Variants in TEX9 observed in about 807,000 individuals in gnomAD.
TEX9 encodes testis expressed 9.
TEX9 carries 74 observed loss-of-function variants against 59.6 expected under a neutral mutation model. The observed-to-expected ratio is 1.24, with a 90% CI of 1.03 to 1.51. The LOEUF is 1.51. Ranked by LOEUF, TEX9 falls within the 40% of genes most tolerant of loss-of-function variation. The pLI is 0.00. For synonymous variants in TEX9, 186 were observed against 152.2 expected (o/e 1.22, Z -1.64); for missense variants, 522 against 447.8 (o/e 1.17, Z -1.49).
At chr15:56,460,009 A>AAAAAAAATATATATATATAT in the TEX9 span, among the ~76,000 whole-genome samples, 3 of 26,384 alleles carry the variant, frequency 1.1e-4, no homozygotes, top group African/African-American at 1.5e-4. Context: ...AAAAAAAAAA[A>AAAAAAAATATATATATATAT]ATACATATAT....
chr15:56,446,718 T>G (rs1031053597), downstream of TEX9: 10 of 679,740 alleles, frequency 1.5e-5, no homozygotes, highest in Non-Finnish European at 2.4e-5. Context: ...TCTGAAAATT[T>G]ACAAATATTT....
At chr15:56,431,574 G>A (rs2050597410) in intron 12 of TEX9, 1 of 1,443,954 alleles carries the variant, frequency 6.9e-7, no homozygotes, top group East Asian at 2.3e-5. Flanking sequence ...AACTACTCAT[G>A]CAATGAATTA....
intron 1 of TEX9, among the ~76,000 whole-genome samples, chr15:56,304,889 A>G (rs536919019): frequency 5.9e-5 from 9 of 152,214 alleles, no homozygotes; most frequent in Admixed American, 2.6e-4. Flanking sequence ...TGCCCGGTTA[A>G]TTTTTGTAAT....
At chr15:56,434,472 GGTTAAATTTA>G in intron 12 of TEX9, 1 of 1,428,454 alleles carries the variant, frequency 7.0e-7, no homozygotes, top group East Asian at 2.3e-5. Flanking sequence ...GATAGAGTTT[GGTTAAATTTA>G]GTATTACAAT....
chr15:56,361,828 A>T (rs2046794870), upstream of TEX9, among the ~76,000 whole-genome samples: 1 of 152,196 alleles, frequency 6.6e-6, no homozygotes, highest in South Asian at 2.1e-4. Flanking sequence ...CAAGCCAAGG[A>T]ATGCCAAGAA....
intron 1 of TEX9, among the ~76,000 whole-genome samples, chr15:56,272,995 G>A (rs1356005917): frequency 1.3e-5 from 2 of 150,950 alleles, no homozygotes; most frequent in African/African-American, 4.9e-5. Context: ...CACCCAAACT[G>A]GAGGCTGGAG....
At chr15:56,350,187 G>T (rs1291496978) in intron 1 of TEX9, among the ~76,000 whole-genome samples, 1 of 152,138 alleles carries the variant, frequency 6.6e-6, no homozygotes, top group Non-Finnish European at 1.5e-5. Flanking sequence ...CTGGTGCATA[G>T]ATGCTAAATA....
At position 56,268,676 on chromosome 15, in the gene TEX9, A is replaced by C. The variant is rs1384966758; in HGVS notation, c.-107+24398A>C. Among the ~76,000 whole-genome samples the C allele has an allele frequency of 2.7e-5, 4 of 150,774 alleles. No individual in the cohort carries two copies. The East Asian group carries it at 5.9e-4, about 22-fold the overall frequency. ...AGCCTTGCATCCCAGGGATGAAGCC[A>C]ACTTGATCTCGGTGGATAAGCTTTT... On this transcript the variant is annotated intron_variant, in intron 1 of 5. Transcript: ENST00000560827.
At chr15:56,402,695 G>C (rs549998452) in intron 9 of TEX9, among the ~76,000 whole-genome samples, 31 of 152,198 alleles carry the variant, frequency 2.0e-4, no homozygotes, top group South Asian at 8.3e-4. Context: ...AAGAATTTTA[G>C]ACCAATATCC....
chr15:56,429,198 G>C, intron 12 of TEX9: 1 of 1,567,488 alleles, frequency 6.4e-7, no homozygotes. Context: ...TACTCCCTAC[G>C]AGAAAAATAC....
At chr15:56,322,721 A>G (rs1400327076) in intron 1 of TEX9, among the ~76,000 whole-genome samples, 1 of 152,190 alleles carries the variant, frequency 6.6e-6, no homozygotes, top group Non-Finnish European at 1.5e-5. Context: ...AGATGGTTTT[A>G]CTAATCCAGA....
intron 12 of TEX9, chr15:56,428,979 G>A (rs991774089): frequency 5.3e-6 from 3 of 567,282 alleles, no homozygotes; most frequent in Non-Finnish European, 9.1e-6. Flanking sequence ...GAAATTCAGT[G>A]ATGATTTACA....
At chr15:56,260,864 C>T (rs112199465) in intron 1 of TEX9, among the ~76,000 whole-genome samples, 5 of 151,692 alleles carry the variant, frequency 3.3e-5, no homozygotes, top group African/African-American at 9.7e-5. Flanking sequence ...CTAAATATAT[C>T]GAAGCTCAAA....
chr15:56,347,529 CA>C (rs34463156), intron 1 of TEX9, among the ~76,000 whole-genome samples: 5 of 147,132 alleles, frequency 3.4e-5, no homozygotes, highest in Admixed American at 6.8e-5. Context: ...AACCCATAGG[CA>C]AAAAAAAAGG....
chr15:56,458,609 C>T, the TEX9 span, among the ~76,000 whole-genome samples: 1 of 152,128 alleles, frequency 6.6e-6, no homozygotes, highest in African/African-American at 2.4e-5. Context: ...TCTGTCTATT[C>T]AACCCTTCCT....
intron 1 of TEX9, among the ~76,000 whole-genome samples, chr15:56,294,494 G>C (rs140797524): frequency 6.6e-6 from 1 of 152,100 alleles, no homozygotes; most frequent in Non-Finnish European, 1.5e-5. Context: ...TACATCTCCT[G>C]TACTGTTTTT....
Position 56,414,031 on chromosome 15 carries a change from C to T in TEX9, c.963+1595C>T, listed in dbSNP as rs566656794. ...TAGGAAGTCATCTTTATAGACTCACCAGTAATTAGCATGTTATTCGAGTAT... is the reference window on the plus strand; with the variant it reads ...TAGGAAGTCATCTTTATAGACTCACTAGTAATTAGCATGTTATTCGAGTAT... On this transcript the variant is annotated intron_variant, in intron 10 of 12. Transcript: ENST00000352903. Among the ~76,000 whole-genome samples the T allele has an allele frequency of 1.2e-4, 18 of 151,818 alleles. No homozygotes were observed. The South Asian group carries it at 2.5e-3, about 21-fold the overall frequency.
chr15:56,373,129 G>A (rs1353147146), intron 2 of TEX9, among the ~76,000 whole-genome samples: 1 of 152,120 alleles, frequency 6.6e-6, no homozygotes, highest in African/African-American at 2.4e-5. Context: ...ATAACGAGGA[G>A]GTGGTGAGTG....
chr15:56,292,208 C>T (rs1042957008), intron 1 of TEX9, among the ~76,000 whole-genome samples: 3 of 152,302 alleles, frequency 2.0e-5, no homozygotes, highest in African/African-American at 7.2e-5. Context: ...TGTGGGTCTA[C>T]AGGTCTGTAT....
Sources: allele counts gnomAD v4.1 joint callset (sites outside exome capture counted in the v4.1 genomes callset), GRCh38; gene constraint gnomAD v4.1.1; transcripts MANE v1.5; gene names NCBI Gene and HGNC (gene_info 2026-07-23, HGNC 2026-07-21).